PMM2: variants seen among roughly 807,000 people sequenced by gnomAD.
The protein encoded by PMM2 is mannose-6-phosphate isomerase.
Under a neutral mutation model 33.2 loss-of-function variants are expected in PMM2, and 35 were observed. That is an observed-to-expected ratio of 1.06 (90% CI 0.81 to 1.40). The LOEUF is 1.40. Ranked by LOEUF, PMM2 falls within the 40% of genes most tolerant of loss-of-function variation. The pLI is 0.00. For synonymous variants in PMM2, 153 were observed against 114.7 expected (o/e 1.33, Z -2.13); for missense variants, 386 against 306.0 (o/e 1.26, Z -1.95).
chr16:8,824,952 A>G lies in PMM2; in HGVS notation c.639+11846A>G, dbSNP rs996919376. ...AATCTTTCATTGTCTCTCTCTGTCA[A>G]TATTACATAAAAATATTCTTCAAAA... On this transcript the variant is annotated intron_variant, in intron 7 of 7. Transcript: ENST00000268261. 5.3e-5 allele frequency among the ~76,000 whole-genome samples: 8 copies of G among 152,344 alleles called. No homozygotes were observed. The South Asian group carries it at 6.2e-4, about 12-fold the overall frequency.
intron 6 of PMM2, among the ~76,000 whole-genome samples, 186 bp downstream of exon 6, chr16:8,811,899 G>A (rs950405375): frequency 6.6e-6 from 1 of 152,178 alleles, no homozygotes; most frequent in Non-Finnish European, 1.5e-5. Flanking sequence ...AATAGGACTT[G>A]CCTAGTCAAG....
intron 2 of PMM2, among the ~76,000 whole-genome samples, chr16:8,803,583 A>C (rs1291538189): frequency 1.3e-5 from 2 of 152,270 alleles, no homozygotes; most frequent in Non-Finnish European, 2.9e-5. Flanking sequence ...GCATTTTAAC[A>C]GGTACCTGAA....
intron 7 of PMM2, among the ~76,000 whole-genome samples, chr16:8,816,665 C>A (rs140842172): frequency 2.0e-5 from 3 of 151,948 alleles, no homozygotes; most frequent in African/African-American, 7.2e-5. Context: ...TGCTTGAACC[C>A]GGGAGGTGGA....
chr16:8,841,047 A>C (rs2060887126), intron 7 of PMM2, among the ~76,000 whole-genome samples: 1 of 152,112 alleles, frequency 6.6e-6, no homozygotes, highest in Non-Finnish European at 1.5e-5. Flanking sequence ...TCTCGAGAAC[A>C]GGCTCTAATT....
In PMM2 at chr16:8,811,062, C is replaced by G; in HGVS notation, c.348-17C>G. The G allele has an allele frequency of 1.4e-6, 2 of 1,439,366 alleles. No individual in the cohort carries two copies. Among genetic ancestry groups the G allele is most frequent in the Non-Finnish European group, 1.9e-6 (2 of 1,041,660 alleles). The allele number at this position is 1,439,366 out of a possible 1,614,324, so 89.2% of individuals were successfully genotyped here. ...TAACGTGTTTTTGGAGAAACTCTGTCACCCTTTCATTCCCAGGGGTACTTT... is the reference window on the plus strand; with the variant it reads ...TAACGTGTTTTTGGAGAAACTCTGTGACCCTTTCATTCCCAGGGGTACTTT... On this transcript the variant is annotated splice_polypyrimidine_tract_variant and intron_variant, in intron 4 of 7. Transcript: ENST00000268261.
At chr16:8,826,379 G>A (rs1010413910) in intron 7 of PMM2, among the ~76,000 whole-genome samples, 1 of 152,160 alleles carries the variant, frequency 6.6e-6, no homozygotes, top group African/African-American at 2.4e-5. Flanking sequence ...CAGAACTGCA[G>A]ATAAAGTCTG....
At chr16:8,823,814 C>T (rs546171258) in intron 7 of PMM2, among the ~76,000 whole-genome samples, 5 of 152,288 alleles carry the variant, frequency 3.3e-5, no homozygotes, top group South Asian at 4.1e-4. Context: ...TCAGGAACCC[C>T]GTACAGGGAC....
At chr16:8,805,119 ACGAT>A (rs1482224592) in intron 3 of PMM2, among the ~76,000 whole-genome samples, 1 of 151,986 alleles carries the variant, frequency 6.6e-6, no homozygotes, top group Middle Eastern at 3.2e-3. Context: ...GTGCAGCGGC[ACGAT>A]CTCAGCTCAC....
intron 1 of PMM2, among the ~76,000 whole-genome samples, chr16:8,799,830 G>GCCA (rs1430774639): frequency 1.3e-5 from 2 of 152,112 alleles, no homozygotes; most frequent in African/African-American, 4.8e-5. Context: ...ACAGGCGTGA[G>GCCA]CCACCGTGTT....
intron 7 of PMM2, among the ~76,000 whole-genome samples, chr16:8,825,442 C>T (rs1166113814): frequency 6.6e-6 from 1 of 152,062 alleles, no homozygotes; most frequent in Non-Finnish European, 1.5e-5. Context: ...TCTCCTGCCT[C>T]CCAAGTAGCT....
intron 5 of PMM2, 93 bp downstream of exon 5, chr16:8,811,271 T>C (rs2060676310): frequency 2.3e-6 from 2 of 877,802 alleles, no homozygotes; most frequent in Admixed American, 2.0e-5. Context: ...ATCCCAACAC[T>C]TTGGGAGGCC....
At chr16:8,815,218 C>CTTTTTT (rs59339190) in intron 7 of PMM2, among the ~76,000 whole-genome samples, 38 of 138,494 alleles carry the variant, frequency 2.7e-4, no homozygotes, top group South Asian at 9.1e-4. Flanking sequence ...TATTTTCTTT[C>CTTTTTT]TTTTTTTTTT....
intron 2 of PMM2, chr16:8,802,410 C>T: frequency 2.5e-6 from 1 of 406,298 alleles, no homozygotes; most frequent in South Asian, 1.8e-5. Context: ...CTGAGAGATT[C>T]TAGTGTACAA....
intron 3 of PMM2, 130 bp from the exon 4 acceptor site, chr16:8,806,186 C>T (rs2141019928): frequency 9.7e-6 from 7 of 718,020 alleles, no homozygotes; most frequent in Non-Finnish European, 1.8e-5. Flanking sequence ...GACAGTGGGG[C>T]ATGTCACCAT....
chr16:8,801,964 T>A, intron 2 of PMM2, 54 bp downstream of exon 2: 1 of 1,262,490 alleles, frequency 7.9e-7, no homozygotes, highest in East Asian at 2.5e-5. Context: ...CTTATGAGGA[T>A]ATTGTTGCCA....
rs759198622 is a variant in PMM2 at position 8,806,375 on chromosome 16, C to A, written c.315C>A (p.Ser105Arg). The change falls in exon 4 of 8, where the codon AGC becomes AGA. Residue 105 changes from serine (S) to arginine (R), a missense_variant. By Grantham distance (110) the Ser-to-Arg change is moderately radical (BLOSUM62 -1). Coordinates refer to ENST00000268261, the MANE Select transcript of PMM2 (RefSeq NM_000303.3). ...AAGATTTAATCAACTACTGTCTGAG[C>A]TACATTGCGAAAATTAAACTCCCGA... is the stretch of plus-strand genomic sequence containing the variant. ...LIQDLINYCLSYIAKIKLPKK... is the reference protein window; with the variant it reads ...LIQDLINYCLRYIAKIKLPKK... The A allele has an allele frequency of 1.2e-6, 2 of 1,613,204 alleles. No homozygotes were observed. Among genetic ancestry groups the A allele is most frequent in the South Asian group, 1.1e-5 (1 of 91,072 alleles).
At chr16:8,799,361 G>A (rs1020053398) in intron 1 of PMM2, among the ~76,000 whole-genome samples, 1 of 152,052 alleles carries the variant, frequency 6.6e-6, no homozygotes, top group Non-Finnish European at 1.5e-5. Flanking sequence ...TTAAACATAA[G>A]GAAACACACT....
chr16:8,846,150 C>T (rs72766377), intron 7 of PMM2, among the ~76,000 whole-genome samples: 1 of 152,140 alleles, frequency 6.6e-6, no homozygotes, highest in South Asian at 2.1e-4. Context: ...CCCAGCACTC[C>T]CTGGGCCCAG....
chr16:8,845,456 CAGT>C (rs2060919113), intron 7 of PMM2, among the ~76,000 whole-genome samples: 1 of 152,126 alleles, frequency 6.6e-6, no homozygotes, highest in Non-Finnish European at 1.5e-5. Flanking sequence ...AGAGGCCTGA[CAGT>C]AGGTGTTCTA....
Sources: allele counts gnomAD v4.1 joint callset (sites outside exome capture counted in the v4.1 genomes callset), GRCh38; gene constraint gnomAD v4.1.1; transcripts MANE v1.5; gene names NCBI Gene and HGNC (gene_info 2026-07-23, HGNC 2026-07-21).